RALB: variants seen among roughly 807,000 people sequenced by gnomAD.
The protein encoded by RALB is ras-related protein Ral-B.
A neutral mutation model predicts 21.3 loss-of-function variants in RALB; 16 were observed. The ratio of observed to expected loss-of-function variants is 0.75; its 90% confidence interval spans 0.51 to 1.14. The LOEUF (loss-of-function observed/expected upper bound fraction) is 1.14. Among genes scored for constraint, RALB ranks in the 50% most tolerant of loss-of-function variants. The pLI, the probability that RALB is intolerant of heterozygous loss-of-function variation, is 0.00. For synonymous variants in RALB, 93 were observed against 96.1 expected (o/e 0.97, Z 0.19); for missense variants, 161 against 256.2 (o/e 0.63, Z 2.54).
intron 2 of RALB, chr2:120,280,815 T>C (rs1331372121): frequency 2.6e-6 from 1 of 385,684 alleles, no homozygotes. Context: ...AAAGACTAAA[T>C]TATTTTTTAT....
rs76685409 is a variant in RALB, at chr2:120,246,055, C to T, written c.19+5930C>T. 3.2e-3 allele frequency among the ~76,000 whole-genome samples: 480 copies of T among 152,316 alleles called. 14 individuals carry two copies. Among genetic ancestry groups the T allele is most frequent in the Admixed American group, 0.028 (424 of 15,302 alleles). ...CCCCCCGACACCACCCCGCATTCCT[C>T]GAGCCTCTGACCCTTTGGCCTTGCC... is the stretch of plus-strand genomic sequence containing the variant. On this transcript the variant is annotated intron_variant, in intron 1 of 3. Coordinates refer to the RALB transcript ENST00000447591.
intron 2 of RALB, among the ~76,000 whole-genome samples, chr2:120,283,536 A>G (rs1314684935): frequency 6.6e-6 from 1 of 152,202 alleles, no homozygotes; most frequent in African/African-American, 2.4e-5. Flanking sequence ...ATTCTTGTCT[A>G]AGTTCTGACT....
intron 4 of RALB, among the ~76,000 whole-genome samples, chr2:120,290,332 C>T (rs997470968): frequency 2.0e-5 from 3 of 152,136 alleles, no homozygotes; most frequent in Non-Finnish European, 2.9e-5. Flanking sequence ...GATGGTGGGA[C>T]GAGGCCATTG....
chr2:120,252,773 AG>A (rs1689084443), upstream of RALB: 1 of 985,060 alleles, frequency 1.0e-6, no homozygotes, highest in Admixed American at 6.1e-5. Flanking sequence ...TTCCGAGGAG[AG>A]GGCAAGAACG....
chr2:120,280,223 T>G (rs576958173), intron 2 of RALB, among the ~76,000 whole-genome samples: 1 of 152,264 alleles, frequency 6.6e-6, no homozygotes, highest in East Asian at 1.9e-4. Context: ...AAAACTTTCA[T>G]TACTAGAAAT....
At chr2:120,240,835 G>A (rs1688881992) in intron 1 of RALB, among the ~76,000 whole-genome samples, 1 of 152,182 alleles carries the variant, frequency 6.6e-6, no homozygotes, top group Admixed American at 6.5e-5. Context: ...GGGCACCTGG[G>A]TGAGTGTGTG....
rs10199886 is a variant in RALB, at chr2:120,274,386, C to T, written c.-47-4232C>T. ...ATTTGCAAAGGGGGAGTGGAAAGAA[C>T]GCCTGGTGTAGGCAGGCGGTCAAGA... On this transcript the variant is annotated intron_variant, in intron 1 of 4. Coordinates refer to ENST00000272519, the MANE Select transcript of RALB (RefSeq NM_002881.3). Among the ~76,000 whole-genome samples the T allele has an allele frequency of 3.1e-3, 470 of 151,578 alleles. 1 individual carries two copies. Among genetic ancestry groups the T allele is most frequent in the African/African-American group, 0.011 (446 of 41,310 alleles).
intron 2 of RALB, among the ~76,000 whole-genome samples, chr2:120,282,420 G>A (rs1472554752): frequency 1.3e-5 from 2 of 151,980 alleles, no homozygotes; most frequent in African/African-American, 4.8e-5. Flanking sequence ...GGAGGTTGCA[G>A]TGAGCCAAGA....
chr2:120,259,561 A>G (rs968797723), intron 1 of RALB, among the ~76,000 whole-genome samples: 1 of 151,948 alleles, frequency 6.6e-6, no homozygotes, highest in Non-Finnish European at 1.5e-5. Context: ...CTAGATACAG[A>G]GTGTCGATTG....
intron 1 of RALB, among the ~76,000 whole-genome samples, chr2:120,266,634 C>T (rs956439317): frequency 6.6e-6 from 1 of 152,056 alleles, no homozygotes; most frequent in African/African-American, 2.4e-5. Flanking sequence ...TTGCTCGAGT[C>T]CCAAAGGTTG....
chr2:120,260,067 G>A (rs985124407), intron 1 of RALB, among the ~76,000 whole-genome samples: 11 of 152,314 alleles, frequency 7.2e-5, no homozygotes, highest in African/African-American at 2.4e-4. Flanking sequence ...CCAAGCCCAC[G>A]CCCACCCGGA....
rs562655714 is a variant in RALB, at chr2:120,271,974, A to G, written c.-47-6644A>G. Among the ~76,000 whole-genome samples, 151 of 152,348 alleles carry G rather than the reference A, an allele frequency of 9.9e-4. 1 individual carries two copies. The highest frequency in any genetic ancestry group is 1.4e-3 in the Non-Finnish European group (98 of 68,026). ...CAACAGAGCTTTTGGGTGAGTAGAT[A>G]GAAACATGTTGAAGGGTGCCATCTT... On this transcript the variant is annotated intron_variant, in intron 1 of 4. Transcript: ENST00000272519.
chr2:120,286,619 A>G (rs928049103), intron 3 of RALB, among the ~76,000 whole-genome samples: 2 of 152,212 alleles, frequency 1.3e-5, no homozygotes, highest in African/African-American at 2.4e-5. Context: ...CTTGCCGCTC[A>G]CTGACCATGG....
rs546318362 is a variant in RALB, at chr2:120,265,019, C to T, written c.-48+12039C>T. Among the ~76,000 whole-genome samples, 28 of 152,232 alleles carry T rather than the reference C, an allele frequency of 1.8e-4. No homozygotes were observed. In the South Asian group the frequency reaches 2.1e-3, roughly 11 times the overall value. ...TATTGATGGACATTTGGGTTGTTTC[C>T]GCCTCTTGGTTATTGTGAATAATGC... On this transcript the variant is annotated intron_variant, in intron 1 of 4. Transcript: ENST00000272519.
chr2:120,292,679 G>A (rs1035373681), intron 4 of RALB, among the ~76,000 whole-genome samples: 1 of 152,172 alleles, frequency 6.6e-6, no homozygotes, highest in Non-Finnish European at 1.5e-5. Flanking sequence ...GTTAGGCCGG[G>A]TGCAGTGGCT....
chr2:120,276,223 G>T (rs1337307847), intron 1 of RALB, among the ~76,000 whole-genome samples: 2 of 152,188 alleles, frequency 1.3e-5, no homozygotes, highest in African/African-American at 4.8e-5. Flanking sequence ...CAAGCCTCCG[G>T]CTTCCTTATC....
intron 1 of RALB, among the ~76,000 whole-genome samples, chr2:120,273,998 ATTGAC>A (rs1379013064): frequency 1.3e-5 from 2 of 152,368 alleles, no homozygotes; most frequent in Admixed American, 1.3e-4. Flanking sequence ...TTCTAGAGAA[ATTGAC>A]TTGTTTTTGA....
chr2:120,282,478 C>CA (rs57554505), intron 2 of RALB, among the ~76,000 whole-genome samples: 52 of 133,782 alleles, frequency 3.9e-4, no homozygotes, highest in East Asian at 1.7e-3. Context: ...AACTCCATCT[C>CA]AAAAAAAAAA....
chr2:120,274,147 T>A (rs1472915640), intron 1 of RALB, among the ~76,000 whole-genome samples: 2 of 152,178 alleles, frequency 1.3e-5, no homozygotes, highest in East Asian at 3.8e-4. Flanking sequence ...GACAGGTTGA[T>A]GGTCTGGAGG....
Sources: allele counts gnomAD v4.1 joint callset (sites outside exome capture counted in the v4.1 genomes callset), GRCh38; gene constraint gnomAD v4.1.1; transcripts MANE v1.5; gene names NCBI Gene and HGNC (gene_info 2026-07-23, HGNC 2026-07-21).